Variants in LUZP2 observed in about 807,000 individuals in gnomAD.
The protein encoded by LUZP2 is leucine zipper protein 2.
In LUZP2, 52 loss-of-function variants were observed where a neutral mutation model predicts 51.6. The observed-to-expected ratio is 1.01, with a 90% confidence interval of 0.81 to 1.27. LUZP2 has a LOEUF of 1.27. LUZP2 is among the 50% of genes most tolerant of loss of function. The pLI, the probability that LUZP2 is intolerant of heterozygous loss-of-function variation, is 0.00. For missense variants in LUZP2, 436 were observed against 395.4 expected, an observed-to-expected ratio of 1.10 and a Z score of -0.87; for synonymous variants, 154 against 137.3, an observed-to-expected ratio of 1.12 and a Z score of -0.85.
At chr11:24,900,786 A>G (rs939012240) in intron 5 of LUZP2, among the ~76,000 whole-genome samples, 16 of 152,082 alleles carry the variant, frequency 1.1e-4, no homozygotes, top group Admixed American at 3.3e-4. Context: ...TTTTCTGTCC[A>G]TAAATCTTTG....
At chr11:24,636,621 C>T (rs552067065) in intron 1 of LUZP2, among the ~76,000 whole-genome samples, 1 of 152,236 alleles carries the variant, frequency 6.6e-6, no homozygotes, top group South Asian at 2.1e-4. Flanking sequence ...AAATGCATAT[C>T]ATATTTTCTA....
intron 1 of LUZP2, among the ~76,000 whole-genome samples, chr11:24,660,249 A>G (rs191855917): frequency 2.6e-5 from 4 of 152,294 alleles, no homozygotes; most frequent in Admixed American, 6.5e-5. Flanking sequence ...TGACCCATGT[A>G]GTTTTAAACC....
chr11:24,501,685 T>C (rs1509599), intron 1 of LUZP2, among the ~76,000 whole-genome samples: 5,283 of 152,298 alleles, frequency 0.035, 215 homozygotes, highest in African/African-American at 0.093. Flanking sequence ...ATGTCTTTGA[T>C]GTTTCATTAT....
chr11:24,615,331 C>G (rs950486361), intron 1 of LUZP2, among the ~76,000 whole-genome samples: 2 of 151,688 alleles, frequency 1.3e-5, no homozygotes, highest in Non-Finnish European at 2.9e-5. Flanking sequence ...GTTCTTGATC[C>G]CTGGCAACCT....
At chr11:25,070,770 G>GGTGTGTGTGTGTGT (rs67504954) in intron 10 of LUZP2, among the ~76,000 whole-genome samples, 7 of 141,280 alleles carry the variant, frequency 5.0e-5, no homozygotes, top group Non-Finnish European at 6.2e-5. Flanking sequence ...GACTGTGTAT[G>GGTGTGTGTGTGTGT]GTGTGTGTGT....
At chr11:25,015,282 C>T (rs1857117348) in intron 9 of LUZP2, among the ~76,000 whole-genome samples, 1 of 152,080 alleles carries the variant, frequency 6.6e-6, no homozygotes, top group Non-Finnish European at 1.5e-5. Flanking sequence ...ACAGAGAATT[C>T]CTGTGTAACA....
At chr11:24,606,200 C>T (rs902070535) in intron 1 of LUZP2, among the ~76,000 whole-genome samples, 1 of 151,770 alleles carries the variant, frequency 6.6e-6, no homozygotes, top group Non-Finnish European at 1.5e-5. Context: ...TGATCTCTAA[C>T]TTATAGTGGT....
At chr11:24,876,266 A>G (rs1852258749) in intron 5 of LUZP2, among the ~76,000 whole-genome samples, 14 of 148,356 alleles carry the variant, frequency 9.4e-5, no homozygotes, top group Admixed American at 2.7e-4. Context: ...TCTTGAATTA[A>G]TTTTTGTATA....
chr11:25,052,296 C>G (rs113347414), intron 10 of LUZP2, among the ~76,000 whole-genome samples: 35 of 152,134 alleles, frequency 2.3e-4, no homozygotes, highest in Non-Finnish European at 4.0e-4. Context: ...AAGTTCTAGA[C>G]CAGTACTTCT....
At chr11:24,702,568 GA>G (rs1360862156) in intron 1 of LUZP2, among the ~76,000 whole-genome samples, 4 of 152,180 alleles carry the variant, frequency 2.6e-5, no homozygotes, top group African/African-American at 9.7e-5. Flanking sequence ...ACCAGAGACA[GA>G]AGGGGGAGGC....
At chr11:24,702,238 T>G (rs1275490617) in intron 1 of LUZP2, among the ~76,000 whole-genome samples, 1 of 152,210 alleles carries the variant, frequency 6.6e-6, no homozygotes, top group East Asian at 1.9e-4. Context: ...GGAAAATCAC[T>G]GGAATAACTT....
At chr11:24,827,464 C>T (rs570223806) in intron 5 of LUZP2, among the ~76,000 whole-genome samples, 1 of 152,196 alleles carries the variant, frequency 6.6e-6, no homozygotes, top group South Asian at 2.1e-4. Context: ...AAATTTCTAC[C>T]TGAAAGGTCA....
At chr11:24,902,165 G>A (rs1853299941) in intron 5 of LUZP2, among the ~76,000 whole-genome samples, 1 of 151,982 alleles carries the variant, frequency 6.6e-6, no homozygotes, top group Non-Finnish European at 1.5e-5. Context: ...TTAGGTTCAC[G>A]AGTACATGTT....
At chr11:24,544,768 G>A (rs1355853979) in intron 1 of LUZP2, among the ~76,000 whole-genome samples, 1 of 152,018 alleles carries the variant, frequency 6.6e-6, no homozygotes, top group African/African-American at 2.4e-5. Context: ...TGTCTTTATG[G>A]TAGAACAATT....
intron 1 of LUZP2, among the ~76,000 whole-genome samples, chr11:24,666,321 T>A (rs1028221602): frequency 6.6e-6 from 1 of 152,188 alleles, no homozygotes; most frequent in Non-Finnish European, 1.5e-5. Flanking sequence ...AAGAAATACA[T>A]GGGTGCCTGT....
chr11:24,792,513 G>T (rs866546441), intron 5 of LUZP2, among the ~76,000 whole-genome samples: 1 of 152,084 alleles, frequency 6.6e-6, no homozygotes, highest in Middle Eastern at 3.4e-3. Flanking sequence ...GGAGTGCTGT[G>T]TTGGTTTTTT....
chr11:25,044,257 G>GTATATATATATA (rs1235208041), intron 9 of LUZP2, among the ~76,000 whole-genome samples: 9 of 60,752 alleles, frequency 1.5e-4, no homozygotes, highest in Non-Finnish European at 2.3e-4. Context: ...GTGTGTGTGT[G>GTATATATATATA]TATATATATA....
intron 7 of LUZP2, among the ~76,000 whole-genome samples, chr11:24,975,104 T>A (rs570660353): frequency 8.4e-4 from 128 of 152,114 alleles, no homozygotes; most frequent in African/African-American, 2.6e-3. Flanking sequence ...CATGCTCTAT[T>A]CTGTTTTCTA....
At chr11:24,664,954 C>G (rs777754116) in intron 1 of LUZP2, among the ~76,000 whole-genome samples, 105 of 152,108 alleles carry the variant, frequency 6.9e-4, no homozygotes, top group Non-Finnish European at 1.3e-3. Flanking sequence ...CCTGGTGGAG[C>G]TATGAAAAGA....
Sources: gnomAD v4.1 joint callset for allele counts (sites outside exome capture counted in the v4.1 genomes callset) on GRCh38, gnomAD v4.1.1 for gene constraint, MANE v1.5 for transcripts, NCBI Gene and HGNC (gene_info 2026-07-23, HGNC 2026-07-21) for gene names.